The following MACROH2A2 variants were observed in gnomAD, a reference collection of about 807,000 sequenced individuals.
MACROH2A2 encodes core histone macro-H2A.2.
MACROH2A2 carries 6 observed loss-of-function variants against 37.6 expected under a neutral mutation model. The ratio of observed to expected loss-of-function variants is 0.16; its 90% confidence interval spans 0.09 to 0.32. The LOEUF (loss-of-function observed/expected upper bound fraction) is 0.32, where lower values mean the gene tolerates loss of function less well. MACROH2A2 is among the 10% of genes least tolerant of loss of function. MACROH2A2 has a pLI of 1.00. For synonymous variants in MACROH2A2, 192 were observed against 202.7 expected (o/e 0.95, Z 0.45); for missense variants, 290 against 485.9 (o/e 0.60, Z 3.79).
At chr10:70,070,895 AAT>A (rs1221887209) in intron 1 of MACROH2A2, among the ~76,000 whole-genome samples, 1 of 152,152 alleles carries the variant, frequency 6.6e-6, no homozygotes, top group Non-Finnish European at 1.5e-5. Context: ...CTTGGCAGCT[AAT>A]AGTAGGAAAG....
chr10:70,055,681 A>G (rs536976675), intron 1 of MACROH2A2, among the ~76,000 whole-genome samples: 1 of 152,366 alleles, frequency 6.6e-6, no homozygotes, highest in Non-Finnish European at 1.5e-5. Flanking sequence ...GTACTTTCAT[A>G]TACTGCTGAC....
At chr10:70,090,237 C>A in intron 3 of MACROH2A2, 71 bp downstream of exon 3, 1 of 959,082 alleles carries the variant, frequency 1.0e-6, no homozygotes, top group Non-Finnish European at 1.7e-6. Flanking sequence ...GCCTGGCTGG[C>A]CATGAGTCAC....
At chr10:70,100,138 C>A (rs1023409745) in intron 6 of MACROH2A2, 70 bp from the exon 7 acceptor site, 26 of 792,776 alleles carry the variant, frequency 3.3e-5, no homozygotes, top group South Asian at 2.6e-4. Flanking sequence ...TGGCCTACTA[C>A]AAATATGTCA....
At chr10:70,110,205 G>C (rs924529575) in intron 8 of MACROH2A2, among the ~76,000 whole-genome samples, 1 of 152,154 alleles carries the variant, frequency 6.6e-6, no homozygotes, top group African/African-American at 2.4e-5. Context: ...ACCTGCTCCA[G>C]GGGTCTCTGT....
At chr10:70,074,836 A>C (rs893301215) in intron 1 of MACROH2A2, among the ~76,000 whole-genome samples, 12 of 152,156 alleles carry the variant, frequency 7.9e-5, no homozygotes, top group Admixed American at 6.6e-5. Flanking sequence ...TTTATAAATT[A>C]CCCAGTCTTG....
chr10:70,059,736 C>T (rs6480437), intron 1 of MACROH2A2, among the ~76,000 whole-genome samples: 8,046 of 152,294 alleles, frequency 0.053, 229 homozygotes, highest in African/African-American at 0.065. Context: ...CTACAGGCCA[C>T]AGCTAGTCAC....
At chr10:70,082,823 G>A (rs1466849225) in intron 2 of MACROH2A2, among the ~76,000 whole-genome samples, 1 of 152,154 alleles carries the variant, frequency 6.6e-6, no homozygotes, top group Non-Finnish European at 1.5e-5. Flanking sequence ...AGGGAGAAAA[G>A]ATGAGTTATT....
chr10:70,054,975 AC>A (rs2072005435), intron 1 of MACROH2A2, among the ~76,000 whole-genome samples: 1 of 152,132 alleles, frequency 6.6e-6, no homozygotes, highest in South Asian at 2.1e-4. Context: ...CTATATCAAA[AC>A]TGCGTAAAAG....
intron 5 of MACROH2A2, among the ~76,000 whole-genome samples, chr10:70,094,587 GA>G (rs1266195759): frequency 6.6e-6 from 1 of 152,236 alleles, no homozygotes; most frequent in African/African-American, 2.4e-5. Context: ...GTTCTAAGAA[GA>G]GCATCGGTGT....
At chr10:70,085,848 T>C (rs990272701) in intron 2 of MACROH2A2, among the ~76,000 whole-genome samples, 2 of 152,214 alleles carry the variant, frequency 1.3e-5, no homozygotes, top group Non-Finnish European at 2.9e-5. Flanking sequence ...TGATTGCCAA[T>C]ATAAGGATTT....
In MACROH2A2 at chr10:70,093,739, A is replaced by C; in HGVS notation, c.482A>C (p.Lys161Thr). ...CCTTTTGATTTTTACCGACAGTCCA[A>C]ACCAAAGGACAGCGATAAAGAAGGA... ...AAKPRTSKKSKPKDSDKEGTS... is the reference protein window; with the variant it reads ...AAKPRTSKKSTPKDSDKEGTS... Residue 161 changes from lysine (K) to threonine (T), a missense_variant, in exon 5 of 9, where the codon AAA (lysine) becomes ACA (threonine). Transcript: ENST00000373255. 6.3e-7 allele frequency: 1 copy of C among 1,594,576 alleles called. No homozygotes were observed. Among genetic ancestry groups the C allele is most frequent in the Non-Finnish European group, 8.6e-7 (1 of 1,162,186 alleles).
chr10:70,075,557 T>C lies in MACROH2A2; in HGVS notation c.-59-43T>C. 1 of 1,178,832 alleles carries C rather than the reference T, an allele frequency of 8.5e-7. No homozygotes were observed. Among genetic ancestry groups the C allele is most frequent in the Admixed American group, 1.8e-5 (1 of 54,210 alleles). The allele number at this position is 1,178,832 out of a possible 1,614,324, so 73.0% of individuals were successfully genotyped here. On this transcript the variant is annotated intron_variant, in intron 1 of 8. Transcript: ENST00000373255. The surrounding 1 kb of genome is among the most constrained non-coding windows in gnomAD (Gnocchi z 5.0). ...GGCCATGCCACTGTGCCCAAGATGT[T>C]TGCCAACTACCCTTCCTCAACTCTG...
At chr10:70,109,229 T>C (rs747191430) in intron 8 of MACROH2A2, 22 bp downstream of exon 8, 16 of 1,603,496 alleles carry the variant, frequency 1.0e-5, no homozygotes, top group Non-Finnish European at 1.3e-5. Context: ...TTCCCCTGAG[T>C]TGATTCCTCC....
Position 70,053,206 on chromosome 10 carries a change from A to T in MACROH2A2, c.-60+206A>T, listed in dbSNP as rs1190543377. 3.3e-5 allele frequency among the ~76,000 whole-genome samples: 5 copies of T among 152,106 alleles called. No homozygotes were observed. Among genetic ancestry groups the T allele is most frequent in the African/African-American group, 1.2e-4 (5 of 41,428 alleles). ...CCCAACTTGCTTCCTTGGGCGATAA[A>T]GGGGGGGCTGCTAAAGAAGTGGTCA... is the stretch of plus-strand genomic sequence containing the variant. On this transcript the variant is annotated intron_variant, in intron 1 of 8. Transcript: ENST00000373255. The surrounding 1 kb of genome is among the most constrained non-coding windows in gnomAD (Gnocchi z 4.8).
intron 2 of MACROH2A2, among the ~76,000 whole-genome samples, chr10:70,081,068 C>CA (rs34688764): frequency 0.33 from 14,829 of 45,458 alleles, 2,305 homozygotes; most frequent in Non-Finnish European, 0.34. Context: ...CCCTGTCTCT[C>CA]AAAAAAAAAA....
At chr10:70,054,314 G>C (rs1490288005) in intron 1 of MACROH2A2, among the ~76,000 whole-genome samples, 1 of 152,184 alleles carries the variant, frequency 6.6e-6, no homozygotes, top group Non-Finnish European at 1.5e-5. Context: ...GATGGGAACC[G>C]TGGCTCCGCT....
intron 2 of MACROH2A2, among the ~76,000 whole-genome samples, chr10:70,086,228 A>T (rs1017712245): frequency 4.6e-5 from 7 of 151,926 alleles, no homozygotes; most frequent in Non-Finnish European, 7.4e-5. Flanking sequence ...CAGACTAAAC[A>T]TCCAAAAGAG....
At chr10:70,079,565 G>GCACGCA (rs1743763696) in intron 2 of MACROH2A2, among the ~76,000 whole-genome samples, 1 of 126,216 alleles carries the variant, frequency 7.9e-6, no homozygotes, top group Non-Finnish European at 1.6e-5. Flanking sequence ...GCGCGCGCGC[G>GCACGCA]CACACACACA....
chr10:70,075,604 G>A lies in MACROH2A2; in HGVS notation c.-55G>A. On this transcript the variant is annotated 5_prime_UTR_variant, in exon 2 of 9. The change creates a new upstream start codon in the 5' untranslated region. Transcript: ENST00000373255. This position sits in a 1 kb window ranked among gnomAD's most constrained non-coding sequence, Gnocchi z 5.0. ...TCTGTCTTCTTTCCTTTTTAGCATT[G>A]TGTTAGTGCCGGGAGGCCACTGTGT... is the stretch of plus-strand genomic sequence containing the variant. 6.5e-7 allele frequency: 1 copy of A among 1,541,486 alleles called. No individual in the cohort carries two copies. Among genetic ancestry groups the A allele is most frequent in the Non-Finnish European group, 9.0e-7 (1 of 1,116,364 alleles).
Sources: gnomAD v4.1 joint callset for allele counts (sites outside exome capture counted in the v4.1 genomes callset) on GRCh38, gnomAD v4.1.1 for gene constraint, Gnocchi (gnomAD v3.1) non-coding constraint, MANE v1.5 for transcripts, NCBI Gene and HGNC (gene_info 2026-07-23, HGNC 2026-07-21) for gene names.